The following CCDC192 variants were observed in gnomAD, a reference collection of about 807,000 sequenced individuals.
The protein encoded by CCDC192 is coiled-coil domain containing 192.
chr5:127,766,411 T>C (rs1413585825), intron 3 of CCDC192, among the ~76,000 whole-genome samples: 1 of 152,052 alleles, frequency 6.6e-6, no homozygotes, highest in Non-Finnish European at 1.5e-5. Context: ...ATTTCCTCCC[T>C]AAGGAACTGG....
Position 127,797,760 on chromosome 5 carries a change from TATATATA to T in CCDC192, c.355-345_355-339del, listed in dbSNP as rs1561494135. 9.3e-3 allele frequency among the ~76,000 whole-genome samples: 237 copies of T among 25,504 alleles called. 1 individual carries two copies. The highest frequency in any genetic ancestry group is 0.015 in the African/African-American group (198 of 12,940). The allele number at this position is 25,504 out of a possible 152,430, so 16.7% of individuals were successfully genotyped here. On this transcript the variant is annotated intron_variant, in intron 4 of 6. Coordinates refer to ENST00000514853, the MANE Select transcript of CCDC192 (RefSeq NM_001317938.2). Reference sequence around the variant, plus strand: ...ATATATATATATATATATATATATATATATATATATATATATATTTATTTATTTATTT... The same window carrying T: ...ATATATATATATATATATATATATATTATATATATATTTATTTATTTATTT...
chr5:127,777,391 C>T (rs113145305), intron 3 of CCDC192, among the ~76,000 whole-genome samples: 7 of 152,166 alleles, frequency 4.6e-5, no homozygotes, highest in Non-Finnish European at 8.8e-5. Context: ...AATGCTTGTA[C>T]ACCCCTTGTA....
chr5:127,704,378 G>A (rs1750841514), intron 1 of CCDC192, among the ~76,000 whole-genome samples: 1 of 152,166 alleles, frequency 6.6e-6, no homozygotes, highest in African/African-American at 2.4e-5. Flanking sequence ...TGTAGAGACA[G>A]GCTTTCACCA....
chr5:127,747,100 A>T (rs1352647287), intron 2 of CCDC192, among the ~76,000 whole-genome samples: 12 of 139,750 alleles, frequency 8.6e-5, no homozygotes, highest in African/African-American at 3.3e-4. Flanking sequence ...TTTCTTTTTT[A>T]TTTATTTATT....
At chr5:127,745,065 CTTCCT>C (rs1753660847) in intron 2 of CCDC192, among the ~76,000 whole-genome samples, 2 of 152,216 alleles carry the variant, frequency 1.3e-5, no homozygotes, top group Non-Finnish European at 2.9e-5. Context: ...GTACAGCCAC[CTTCCT>C]TGACTGCCGA....
At chr5:127,916,157 A>AAAAC (rs1753514693) in intron 6 of CCDC192, among the ~76,000 whole-genome samples, 1 of 152,252 alleles carries the variant, frequency 6.6e-6, no homozygotes, top group Non-Finnish European at 1.5e-5. Flanking sequence ...CTTCTATTTC[A>AAAAC]ATAAAACATT....
chr5:127,771,098 CTT>C (rs1408553105), intron 3 of CCDC192, among the ~76,000 whole-genome samples: 1 of 152,122 alleles, frequency 6.6e-6, no homozygotes, highest in East Asian at 1.9e-4. Context: ...CTAATAGAGT[CTT>C]TTTTCAATTT....
intron 2 of CCDC192, among the ~76,000 whole-genome samples, chr5:127,716,596 C>A (rs547337597): frequency 6.6e-6 from 1 of 152,166 alleles, no homozygotes; most frequent in South Asian, 2.1e-4. Flanking sequence ...TTTACTATTT[C>A]TTCATGTTTT....
chr5:127,723,021 A>G (rs990233932), intron 2 of CCDC192, among the ~76,000 whole-genome samples: 9 of 152,138 alleles, frequency 5.9e-5, no homozygotes, highest in African/African-American at 2.2e-4. Flanking sequence ...TAGAGATTGC[A>G]TTGAATCCGT....
chr5:127,796,663 C>T (rs1192692069), intron 3 of CCDC192, among the ~76,000 whole-genome samples: 1 of 152,082 alleles, frequency 6.6e-6, no homozygotes, highest in Non-Finnish European at 1.5e-5. Context: ...GCTTCTATGG[C>T]GAACATTCAA....
At chr5:127,769,282 T>C (rs959729301) in intron 3 of CCDC192, among the ~76,000 whole-genome samples, 10 of 152,296 alleles carry the variant, frequency 6.6e-5, no homozygotes, top group Admixed American at 4.6e-4. Flanking sequence ...GAATGGATGG[T>C]GCCATGTATT....
chr5:127,827,270 G>A (rs965227329), intron 5 of CCDC192, among the ~76,000 whole-genome samples: 3 of 152,130 alleles, frequency 2.0e-5, no homozygotes, highest in Non-Finnish European at 4.4e-5. Context: ...GGGAGTAAAG[G>A]CTTCTCAGTA....
chr5:127,805,538 C>A (rs2126987843), intron 5 of CCDC192, among the ~76,000 whole-genome samples: 1 of 152,330 alleles, frequency 6.6e-6, no homozygotes, highest in South Asian at 2.1e-4. Flanking sequence ...ACTCAGACCA[C>A]ATGGCAGAGT....
intron 2 of CCDC192, among the ~76,000 whole-genome samples, chr5:127,749,640 G>A (rs1014099325): frequency 6.6e-6 from 1 of 151,982 alleles, no homozygotes; most frequent in South Asian, 2.1e-4. Context: ...AATGAGTTAG[G>A]GAGGATTCCC....
At chr5:127,822,823 G>A (rs1006909473) in intron 5 of CCDC192, among the ~76,000 whole-genome samples, 1 of 152,212 alleles carries the variant, frequency 6.6e-6, no homozygotes, top group Non-Finnish European at 1.5e-5. Context: ...GTGAAGTGCT[G>A]TTGCTGCAGG....
intron 2 of CCDC192, among the ~76,000 whole-genome samples, chr5:127,747,439 T>G (rs1434836041): frequency 2.6e-5 from 4 of 152,172 alleles, no homozygotes; most frequent in Non-Finnish European, 5.9e-5. Context: ...CATGAACTCA[T>G]CATTTTTTAT....
chr5:127,927,514 G>T (rs186684937), intron 6 of CCDC192, among the ~76,000 whole-genome samples: 1 of 152,178 alleles, frequency 6.6e-6, no homozygotes, highest in African/African-American at 2.4e-5. Context: ...CTTTGACTGC[G>T]AAGGCAAGAA....
chr5:127,738,050 A>G (rs1490854025), intron 2 of CCDC192, among the ~76,000 whole-genome samples: 1 of 151,340 alleles, frequency 6.6e-6, no homozygotes, highest in Non-Finnish European at 1.5e-5. Flanking sequence ...TTTTGGCATG[A>G]TTTTGCAACA....
chr5:127,888,885 A>G (rs1233312147), intron 6 of CCDC192, among the ~76,000 whole-genome samples: 1 of 152,040 alleles, frequency 6.6e-6, no homozygotes, highest in African/African-American at 2.4e-5. Context: ...TCTTTTTCAT[A>G]GCCATAACTT....
Sources: gnomAD v4.1 joint callset for allele counts (sites outside exome capture counted in the v4.1 genomes callset) on GRCh38, gnomAD v4.1.1 for gene constraint, MANE v1.5 for transcripts, NCBI Gene and HGNC (gene_info 2026-07-23, HGNC 2026-07-21) for gene names.